Variants in CCR7 observed in about 807,000 individuals in gnomAD.
CCR7 encodes C-C motif chemokine receptor 7, also known as C-C chemokine receptor type 7.
Under a neutral mutation model 26.0 loss-of-function variants are expected in CCR7, and 11 were observed. The ratio of observed to expected loss-of-function variants is 0.42; its 90% confidence interval spans 0.27 to 0.70. The LOEUF is 0.70. CCR7 is among the 30% of genes least tolerant of loss of function. The pLI, the probability that CCR7 is intolerant of heterozygous loss-of-function variation, is 0.23. For missense variants in CCR7, 360 were observed against 504.0 expected, an observed-to-expected ratio of 0.71 and a Z score of 2.74; for synonymous variants, 189 against 202.1, an observed-to-expected ratio of 0.94 and a Z score of 0.55.
At chr17:40,561,454 C>T (rs1052871066) in intron 1 of CCR7, among the ~76,000 whole-genome samples, 9 of 152,186 alleles carry the variant, frequency 5.9e-5, no homozygotes, top group Non-Finnish European at 1.3e-4. Context: ...TCTTGGGCAG[C>T]AGCTTCAGTG....
At position 40,555,700 on chromosome 17, in the gene CCR7, A is replaced by G. The variant is rs761745878; in HGVS notation, c.179T>C (p.Phe60Ser). 1 of 1,614,136 alleles carries G rather than the reference A, an allele frequency of 6.2e-7. No homozygotes were observed. ...AATGATGGAGTACATGATAGGGAGG[A>G]ACCAGGCTTTAAAGTTCCGCACGTC... ...KKDVRNFKAW[F>S]LPIMYSIICF... The change falls in exon 3 of 3, where the codon TTC becomes TCC. Residue 60 changes from phenylalanine (F) to serine (S), a missense_variant. Phe to Ser is a radical substitution (Grantham distance 155). Coordinates refer to ENST00000246657, the MANE Select transcript of CCR7 (RefSeq NM_001838.4). This position sits in a 1 kb window ranked among gnomAD's most constrained non-coding sequence, Gnocchi z 5.6.
chr17:40,555,743 A>G lies in CCR7; in HGVS notation c.136T>C (p.Ser46Pro). 2 of 1,613,992 alleles carry G rather than the reference A, an allele frequency of 1.2e-6. No individual in the cohort carries two copies. The highest frequency in any genetic ancestry group is 1.7e-6 in the Non-Finnish European group (2 of 1,179,984). ...NTTVDYTLFE[S>P]LCSKKDVRNF... ...CGCACGTCCTTCTTGGAGCACAAAG[A>G]CTCGAACAAAGTGTAGTCCACTGTG... Residue 46 changes from serine to proline, a missense_variant, in exon 3 of 3, where the codon TCT becomes CCT. By Grantham distance (74) the Ser-to-Pro change is moderately conservative. Transcript: ENST00000246657. This position sits in a 1 kb window ranked among gnomAD's most constrained non-coding sequence, Gnocchi z 5.6.
intron 1 of CCR7, among the ~76,000 whole-genome samples, chr17:40,564,261 C>A (rs1337708255): frequency 6.6e-6 from 1 of 152,226 alleles, no homozygotes; most frequent in Non-Finnish European, 1.5e-5. Flanking sequence ...AGCACCTGAA[C>A]CTGCCTTTCA....
At chr17:40,565,330 A>G in intron 1 of CCR7, 70 bp downstream of exon 1, 4 of 1,370,482 alleles carry the variant, frequency 2.9e-6, no homozygotes, top group East Asian at 2.3e-5. Flanking sequence ...CTCCACCCCC[A>G]TTCCACAGGG....
chr17:40,565,434 C>A lies in CCR7; in HGVS notation c.-25G>T. On this transcript the variant is annotated 5_prime_UTR_variant, in exon 1 of 3. Transcript: ENST00000246657. Reference sequence around the variant, plus strand: ...TGACGCTCTCTGGGCGGTAAAACCACACAGGAAGGCTGTGCCCGGCCTCGC... The same window carrying A: ...TGACGCTCTCTGGGCGGTAAAACCAAACAGGAAGGCTGTGCCCGGCCTCGC... The A allele has an allele frequency of 6.2e-7, 1 of 1,612,932 alleles. No individual in the cohort carries two copies. The highest frequency in any genetic ancestry group is 8.5e-7 in the Non-Finnish European group (1 of 1,178,932).
rs1339121299 is a variant in CCR7 at position 40,555,723 on chromosome 17, G to A, written c.156C>T (p.Asp52=). The change falls in exon 3 of 3, where the codon GAC becomes GAT. Residue 52 remains aspartate (D), a synonymous_variant. Coordinates refer to ENST00000246657, the MANE Select transcript of CCR7 (RefSeq NM_001838.4). The surrounding 1 kb of genome is among the most constrained non-coding windows in gnomAD (Gnocchi z 5.6). ...TLFESLCSKK[D]VRNFKAWFLP... ...GGAACCAGGCTTTAAAGTTCCGCAC[G>A]TCCTTCTTGGAGCACAAAGACTCGA... 2.5e-6 allele frequency: 4 copies of A among 1,614,138 alleles called. No homozygotes were observed. Among genetic ancestry groups the A allele is most frequent in the South Asian group, 1.1e-5 (1 of 91,082 alleles).
chr17:40,556,359 TCC>T (rs2036587437), intron 2 of CCR7, among the ~76,000 whole-genome samples: 1 of 152,216 alleles, frequency 6.6e-6, no homozygotes, highest in East Asian at 1.9e-4. Flanking sequence ...AACATGTCTA[TCC>T]TGAATCAGTA....
At chr17:40,565,148 C>A (rs574549656) in intron 1 of CCR7, among the ~76,000 whole-genome samples, 1 of 152,106 alleles carries the variant, frequency 6.6e-6, no homozygotes, top group Non-Finnish European at 1.5e-5. Flanking sequence ...GACATGATCT[C>A]GGCCCCTCCC....
chr17:40,563,429 C>G (rs2036674015), intron 1 of CCR7, among the ~76,000 whole-genome samples: 1 of 152,158 alleles, frequency 6.6e-6, no homozygotes, highest in Admixed American at 6.5e-5. Context: ...GAAAGATCTT[C>G]GGTCTCATTG....
At chr17:40,558,453 C>T (rs552462001) in intron 2 of CCR7, among the ~76,000 whole-genome samples, 2 of 152,088 alleles carry the variant, frequency 1.3e-5, no homozygotes, top group South Asian at 4.1e-4. Context: ...GCGAGGGAAG[C>T]CTTTGGGTGA....
At position 40,555,754 on chromosome 17, in the gene CCR7, GT is replaced by G; in HGVS notation, c.124del (p.Thr42LeufsTer40). On this transcript the variant is annotated frameshift_variant, in exon 3 of 3. Transcript: ENST00000246657. LOFTEE classifies it high-confidence loss of function. This position sits in a 1 kb window ranked among gnomAD's most constrained non-coding sequence, Gnocchi z 5.6. ...CTTGGAGCACAAAGACTCGAACAAAGTGTAGTCCACTGTGGTGTTGTCTCCG... is the reference window on the plus strand; with the variant it reads ...CTTGGAGCACAAAGACTCGAACAAAGGTAGTCCACTGTGGTGTTGTCTCCG... ...YIGDNTTVDY[T>X]LFESLCSKKD... 6.2e-7 allele frequency: 1 copy of G among 1,614,188 alleles called. No homozygotes were observed. The highest frequency in any genetic ancestry group is 8.5e-7 in the Non-Finnish European group (1 of 1,180,046).
chr17:40,559,117 C>G (rs113678754), intron 1 of CCR7, among the ~76,000 whole-genome samples, 175 bp from the exon 2 acceptor site: 2 of 152,184 alleles, frequency 1.3e-5, no homozygotes, highest in African/African-American at 4.8e-5. Context: ...GCCTGCTGCC[C>G]GGCATCACTG....
chr17:40,563,223 A>T (rs575676158), intron 1 of CCR7, among the ~76,000 whole-genome samples: 10 of 152,226 alleles, frequency 6.6e-5, no homozygotes, highest in African/African-American at 2.4e-4. Flanking sequence ...TGAATGTCCG[A>T]AGCAAAGAGG....
At chr17:40,560,393 C>T (rs2143915876) in intron 1 of CCR7, among the ~76,000 whole-genome samples, 1 of 152,302 alleles carries the variant, frequency 6.6e-6, no homozygotes, top group Middle Eastern at 3.4e-3. Context: ...GCACCTTCTC[C>T]TGGAGGCTGG....
rs2036583056 is a variant in CCR7 at position 40,555,922 on chromosome 17, T to G, written c.61-104A>C. Reference sequence around the variant, plus strand: ...GTGGTTTCTTTCTTTTTTTTTTTTCTTGAGACATGGTCTCACTCTGTTGCC... The same window carrying G: ...GTGGTTTCTTTCTTTTTTTTTTTTCGTGAGACATGGTCTCACTCTGTTGCC... On this transcript the variant is annotated intron_variant, in intron 2 of 2. Coordinates refer to ENST00000246657, the MANE Select transcript of CCR7 (RefSeq NM_001838.4). The surrounding 1 kb of genome is among the most constrained non-coding windows in gnomAD (Gnocchi z 5.6). 4.0e-6 allele frequency: 3 copies of G among 750,208 alleles called. No individual in the cohort carries two copies. In the Admixed American group the frequency reaches 7.9e-5, roughly 20 times the overall value. The allele number at this position is 750,208 out of a possible 1,614,324, so 46.5% of individuals were successfully genotyped here.
chr17:40,554,639 G>A lies in CCR7; in HGVS notation c.*103C>T. ...TCTGAGGGGAGAGCTGCTTTTCCCT[G>A]AGCAGCTTTTGGCGGGGGGATGTCC... On this transcript the variant is annotated 3_prime_UTR_variant, in exon 3 of 3. Transcript: ENST00000246657. 2.2e-6 allele frequency: 2 copies of A among 894,718 alleles called. No individual in the cohort carries two copies. Among genetic ancestry groups the A allele is most frequent in the Middle Eastern group, 2.5e-4 (1 of 4,020 alleles). The allele number at this position is 894,718 out of a possible 1,614,324, so 55.4% of individuals were successfully genotyped here. A position where few individuals can be genotyped will look rare whatever the true frequency, so the allele number is the denominator to read the frequency against.
In CCR7 at chr17:40,554,863, T is replaced by C. The variant is rs148614545; in HGVS notation, c.1016A>G (p.Lys339Arg). Reference sequence around the variant, plus strand: ...GAGGCAGCCCAGGTCCTTGAAGAGCTTGAAGAGATCGTTGCGGAACTTGAC... The same window carrying C: ...GAGGCAGCCCAGGTCCTTGAAGAGCCTGAAGAGATCGTTGCGGAACTTGAC... ...IGVKFRNDLF[K>R]LFKDLGCLSQ... Residue 339 changes from lysine to arginine, a missense_variant, in exon 3 of 3, where the codon AAG becomes AGG. By Grantham distance (26) the Lys-to-Arg change is conservative. Transcript: ENST00000246657. 1.8e-4 allele frequency: 298 copies of C among 1,614,054 alleles called. No individual in the cohort carries two copies. The highest frequency in any genetic ancestry group is 2.4e-4 in the Non-Finnish European group (286 of 1,180,028).
At chr17:40,559,637 A>G (rs1567830368) in intron 1 of CCR7, among the ~76,000 whole-genome samples, 1 of 152,308 alleles carries the variant, frequency 6.6e-6, no homozygotes, top group East Asian at 1.9e-4. Context: ...CTGTTGGTCC[A>G]CTGGGCGCAC....
intron 1 of CCR7, among the ~76,000 whole-genome samples, chr17:40,564,981 G>A (rs1268808413): frequency 6.6e-6 from 1 of 152,148 alleles, no homozygotes; most frequent in African/African-American, 2.4e-5. Context: ...CAGAGAGTGG[G>A]TAAAAGGTCC....
Sources: gnomAD v4.1 joint callset for allele counts (sites outside exome capture counted in the v4.1 genomes callset) on GRCh38, gnomAD v4.1.1 for gene constraint, Gnocchi (gnomAD v3.1) non-coding constraint, MANE v1.5 for transcripts, NCBI Gene and HGNC (gene_info 2026-07-23, HGNC 2026-07-21) for gene names.